The following C21orf91 variants were observed in gnomAD, a reference collection of about 807,000 sequenced individuals.
C21orf91 encodes the protein protein EURL homolog.
C21orf91 carries 26 observed loss-of-function variants against 32.9 expected under a neutral mutation model. The ratio of observed to expected loss-of-function variants is 0.79; its 90% CI spans 0.58 to 1.10. The LOEUF (loss-of-function observed/expected upper bound fraction) is 1.10. C21orf91 is among the 50% of genes least tolerant of loss of function. The pLI, the probability that C21orf91 is intolerant of heterozygous loss-of-function variation, is 0.00. For missense variants in C21orf91, 310 were observed against 341.3 expected (o/e 0.91, Z 0.72); for synonymous variants, 126 against 120.4 (o/e 1.05, Z -0.31).
At position 17,790,474 on chromosome 21, in the gene C21orf91, T is replaced by A. The variant is rs1427844295; in HGVS notation, c.*2941A>T. ...GTCAAGATATATTTGACTATATATTTTGACTATATTTCTGAAATCACTAAC... is the reference window on the plus strand; with the variant it reads ...GTCAAGATATATTTGACTATATATTATGACTATATTTCTGAAATCACTAAC... On this transcript the variant is annotated 3_prime_UTR_variant, in exon 5 of 5. Coordinates refer to ENST00000284881, the MANE Select transcript of C21orf91 (RefSeq NM_001100420.2). 1.3e-5 allele frequency: 2 copies of A among 152,138 alleles called. No individual in the cohort carries two copies. Among genetic ancestry groups the A allele is most frequent in the South Asian group, 2.1e-4 (1 of 4,838 alleles). The allele number at this position is 152,138 out of a possible 1,614,324, so 9.4% of individuals were successfully genotyped here. A position where few individuals can be genotyped will look rare whatever the true frequency, so the allele number is the denominator to read the frequency against.
chr21:17,799,028 A>G (rs1187388680), intron 2 of C21orf91, among the ~76,000 whole-genome samples: 2 of 152,140 alleles, frequency 1.3e-5, no homozygotes, highest in Non-Finnish European at 2.9e-5. Flanking sequence ...CAAAACCGTA[A>G]ATGGTCTCAT....
At position 17,793,324 on chromosome 21, in the gene C21orf91, A is replaced by C; in HGVS notation, c.*91T>G. 1.0e-6 allele frequency: 1 copy of C among 1,003,644 alleles called. No homozygotes were observed. Among genetic ancestry groups the C allele is most frequent in the South Asian group, 2.5e-5 (1 of 40,538 alleles). 62.2% of individuals were successfully genotyped at this position (1,003,644 alleles called of 1,614,324 possible). On this transcript the variant is annotated 3_prime_UTR_variant, in exon 5 of 5. Coordinates refer to ENST00000284881, the MANE Select transcript of C21orf91 (RefSeq NM_001100420.2). ...TTTGGCAAATTTAATGACCATAAAA[A>C]AACGGACCACAACTTTCTTCAAACT... is the stretch of plus-strand genomic sequence containing the variant.
In C21orf91 at chr21:17,791,168, A is replaced by G. The variant is rs1222734196; in HGVS notation, c.*2247T>C. ...CATAGGACTAAATTATAAGTTTACC[A>G]AACATTTGGATAAACTGCTGTGCAA... On this transcript the variant is annotated 3_prime_UTR_variant, in exon 5 of 5. Transcript: ENST00000284881. 1 of 152,168 alleles carries G rather than the reference A, an allele frequency of 6.6e-6. No homozygotes were observed. Among genetic ancestry groups the G allele is most frequent in the Non-Finnish European group, 1.5e-5 (1 of 67,980 alleles). 9.4% of individuals were successfully genotyped at this position (152,168 alleles called of 1,614,324 possible).
In C21orf91 at chr21:17,790,681, T is replaced by A. The variant is rs1415027718; in HGVS notation, c.*2734A>T. On this transcript the variant is annotated 3_prime_UTR_variant, in exon 5 of 5. Coordinates refer to ENST00000284881, the MANE Select transcript of C21orf91 (RefSeq NM_001100420.2). ...ATCTATTACTGGAGTCTCAAGTGCA[T>A]GCCTTTTAAAAAAGACTAATTTAGA... The A allele has an allele frequency of 1.3e-5, 2 of 152,110 alleles. No homozygotes were observed. Among genetic ancestry groups the A allele is most frequent in the Non-Finnish European group, 2.9e-5 (2 of 67,920 alleles). 9.4% of individuals were successfully genotyped at this position (152,110 alleles called of 1,614,324 possible).
chr21:17,797,575 G>T, intron 2 of C21orf91, among the ~76,000 whole-genome samples: 1 of 146,184 alleles, frequency 6.8e-6, no homozygotes. Flanking sequence ...CTTAAATTAT[G>T]TTTATTGAAA....
rs76866669 is a variant in C21orf91 at position 17,796,253 on chromosome 21, G to A, written c.664+329C>T. ...TTAGTCTTACAGGGATCAGCAACAT[G>A]ACAATGTGTATTAGCCAACAGATGA... On this transcript the variant is annotated intron_variant, in intron 3 of 4. Coordinates refer to ENST00000284881, the MANE Select transcript of C21orf91 (RefSeq NM_001100420.2). 6.6e-3 allele frequency among the ~76,000 whole-genome samples: 1,006 copies of A among 152,258 alleles called. 8 individuals are homozygous for A. Among genetic ancestry groups the A allele is most frequent in the Non-Finnish European group, 8.3e-3 (563 of 68,012 alleles).
intron 2 of C21orf91, among the ~76,000 whole-genome samples, chr21:17,797,728 T>C (rs2062530434): frequency 6.6e-6 from 1 of 152,048 alleles, no homozygotes; most frequent in Admixed American, 6.6e-5. Flanking sequence ...AAGATAATTT[T>C]ATTTTCTAGA....
At position 17,818,213 on chromosome 21, in the gene C21orf91, A is replaced by C; in HGVS notation, c.106T>G (p.Cys36Gly). 1 of 1,611,188 alleles carries C rather than the reference A, an allele frequency of 6.2e-7. No homozygotes were observed. Among genetic ancestry groups the C allele is most frequent in the Non-Finnish European group, 8.5e-7 (1 of 1,177,370 alleles). ...DKETLSFCHI[C>G]FELNIEGVPK... ...TTACCCTCAATATTTAGCTCAAAAC[A>C]AATGTGGCAGAAGGAGAGTGTTTCT... The change falls in exon 2 of 5, where the codon TGT becomes GGT. Residue 36 changes from cysteine (C) to glycine (G), a missense_variant. Cys to Gly is a radical substitution (Grantham distance 159, BLOSUM62 -3). Coordinates refer to ENST00000284881, the MANE Select transcript of C21orf91 (RefSeq NM_001100420.2).
intron 2 of C21orf91, among the ~76,000 whole-genome samples, chr21:17,804,491 A>C (rs1200462974): frequency 2.0e-5 from 3 of 152,212 alleles, no homozygotes; most frequent in Non-Finnish European, 4.4e-5. Context: ...CAAGTACCCA[A>C]CATACCGTTT....
chr21:17,795,450 G>C (rs537974297), intron 3 of C21orf91, among the ~76,000 whole-genome samples, 180 bp from the exon 4 acceptor site: 204 of 152,238 alleles, frequency 1.3e-3, no homozygotes, highest in Non-Finnish European at 2.3e-3. Context: ...TTCAAACCCT[G>C]ACCACAACCC....
chr21:17,812,200 A>T (rs1223823051), intron 2 of C21orf91, among the ~76,000 whole-genome samples: 2 of 152,280 alleles, frequency 1.3e-5, no homozygotes, highest in East Asian at 3.9e-4. Context: ...CTTATCACCA[A>T]TTAAGCCTAC....
intron 2 of C21orf91, among the ~76,000 whole-genome samples, chr21:17,816,739 T>C (rs987926629): frequency 5.9e-5 from 9 of 152,264 alleles, no homozygotes; most frequent in Non-Finnish European, 1.2e-4. Flanking sequence ...GCCTGGCACA[T>C]AACAACAGCT....
rs562210169 is a variant in C21orf91 at position 17,798,298 on chromosome 21, T to C, written c.128-1180A>G. ...TAATGAAGCATTTGTACTTTAATGG[T>C]ATGAAATAAAGTATTAGCATACTTG... On this transcript the variant is annotated intron_variant, in intron 2 of 4. Coordinates refer to ENST00000284881, the MANE Select transcript of C21orf91 (RefSeq NM_001100420.2). Among the ~76,000 whole-genome samples, 5 of 152,326 alleles carry C rather than the reference T, an allele frequency of 3.3e-5. No individual in the cohort carries two copies. In the East Asian group the frequency reaches 9.6e-4, roughly 29 times the overall value.
chr21:17,803,510 GT>G (rs1451281439), intron 2 of C21orf91, among the ~76,000 whole-genome samples: 1 of 151,910 alleles, frequency 6.6e-6, no homozygotes. Context: ...GTGAGACCCT[GT>G]GTCTTAAAAA....
At position 17,793,397 on chromosome 21, in the gene C21orf91, G is replaced by A. The variant is rs768256020; in HGVS notation, c.*18C>T. The A allele has an allele frequency of 4.5e-6, 7 of 1,542,176 alleles. No homozygotes were observed. Among genetic ancestry groups the A allele is most frequent in the East Asian group, 2.3e-5 (1 of 43,704 alleles). On this transcript the variant is annotated 3_prime_UTR_variant, in exon 5 of 5. Coordinates refer to ENST00000284881, the MANE Select transcript of C21orf91 (RefSeq NM_001100420.2). ...GAGACCAATAAAGGGCAGGGCATACGAAGTAAGTCTGTTTAGGTCAGTTGT... is the reference window on the plus strand; with the variant it reads ...GAGACCAATAAAGGGCAGGGCATACAAAGTAAGTCTGTTTAGGTCAGTTGT...
chr21:17,794,408 T>C (rs1452246841), intron 4 of C21orf91, among the ~76,000 whole-genome samples: 1 of 152,322 alleles, frequency 6.6e-6, no homozygotes, highest in Middle Eastern at 3.4e-3. Flanking sequence ...ACTGTGACTG[T>C]TTTTTAAAAA....
chr21:17,794,938 A>G (rs532503759), intron 4 of C21orf91, among the ~76,000 whole-genome samples: 6 of 151,536 alleles, frequency 4.0e-5, no homozygotes, highest in Admixed American at 2.0e-4. Context: ...TAATGACAGT[A>G]AGTCCCAGCT....
intron 2 of C21orf91, among the ~76,000 whole-genome samples, chr21:17,814,589 C>A (rs1386488382): frequency 6.6e-6 from 1 of 152,128 alleles, no homozygotes; most frequent in East Asian, 1.9e-4. Flanking sequence ...AACTCACAAT[C>A]AGGGCAGAAG....
At chr21:17,803,074 T>TGCTAAATGGTGGGCTTATGTGTTC (rs1374101973) in intron 2 of C21orf91, among the ~76,000 whole-genome samples, 1 of 152,210 alleles carries the variant, frequency 6.6e-6, no homozygotes, top group African/African-American at 2.4e-5. Context: ...AGTATGGGTT[T>TGCTAAATGGTGGGCTTATGTGTTC]GCTAAATGGT....
Sources: gnomAD v4.1 joint callset for allele counts (sites outside exome capture counted in the v4.1 genomes callset) on GRCh38, gnomAD v4.1.1 for gene constraint, MANE v1.5 for transcripts, NCBI Gene and HGNC (gene_info 2026-07-23, HGNC 2026-07-21) for gene names.